Variants in TPRG1 observed in about 807,000 individuals in gnomAD.
The protein encoded by TPRG1 is tumor protein p63 regulated 1.
Under a neutral mutation model 29.3 loss-of-function variants are expected in TPRG1, and 29 were observed. The observed-to-expected ratio is 0.99, with a 90% CI of 0.74 to 1.35. The LOEUF (loss-of-function observed/expected upper bound fraction) is 1.35. TPRG1 is among the 40% of genes most tolerant of loss of function. The probability of loss-of-function intolerance (pLI) is 0.00; values close to 1 mark genes in which losing one functional copy is unlikely to be tolerated. For missense variants in TPRG1, 327 were observed against 335.0 expected (o/e 0.98, Z 0.19); for synonymous variants, 130 against 116.8 (o/e 1.11, Z -0.73).
intron 3 of TPRG1, among the ~76,000 whole-genome samples, chr3:189,216,382 A>G (rs1045854271): frequency 6.6e-6 from 1 of 152,156 alleles, no homozygotes; most frequent in African/African-American, 2.4e-5. Context: ...CAGCAGAACA[A>G]ATTTTTCAAT....
intron 4 of TPRG1, among the ~76,000 whole-genome samples, chr3:189,072,906 A>G (rs1017114249): frequency 6.6e-6 from 1 of 152,178 alleles, no homozygotes; most frequent in African/African-American, 2.4e-5. Flanking sequence ...CGTCCCAGAT[A>G]TCAAAGTGGG....
intron 4 of TPRG1, among the ~76,000 whole-genome samples, chr3:189,306,352 A>G (rs888094902): frequency 2.0e-5 from 3 of 152,210 alleles, no homozygotes; most frequent in African/African-American, 4.8e-5. Context: ...TTTAGATTCA[A>G]GTAGAAATCT....
At chr3:189,285,409 G>A (rs867546503) in intron 4 of TPRG1, among the ~76,000 whole-genome samples, 12 of 152,054 alleles carry the variant, frequency 7.9e-5, no homozygotes, top group African/African-American at 2.9e-4. Context: ...GAGATGGAAG[G>A]GCCCTTTGAG....
chr3:189,146,069 C>T (rs762020322), intron 3 of TPRG1, among the ~76,000 whole-genome samples: 1 of 152,186 alleles, frequency 6.6e-6, no homozygotes, highest in African/African-American at 2.4e-5. Context: ...AATATTAAAA[C>T]CTTTTTCTGT....
rs547912117 is a variant in TPRG1 at position 189,115,038 on chromosome 3, CCT to C, written c.-743-12018_-743-12017del. Reference sequence around the variant, plus strand: ...CACTTATCCTTGTTTTATTTCACCCCCTGTTGAAGAGACTTGATCCCAGGACA... The same window carrying C: ...CACTTATCCTTGTTTTATTTCACCCCGTTGAAGAGACTTGATCCCAGGACA... On this transcript the variant is annotated intron_variant, in intron 1 of 6. Coordinates refer to the TPRG1 transcript ENST00000412373. Among the ~76,000 whole-genome samples the C allele has an allele frequency of 2.6e-5, 4 of 152,246 alleles. No individual in the cohort carries two copies. In the East Asian group the frequency reaches 7.7e-4, roughly 29 times the overall value.
chr3:189,164,880 T>C (rs1163947859), intron 5 of TPRG1, among the ~76,000 whole-genome samples: 1 of 152,172 alleles, frequency 6.6e-6, no homozygotes, highest in Admixed American at 6.5e-5. Context: ...AAGAAAACTC[T>C]GAGGAGCTGG....
intron 4 of TPRG1, among the ~76,000 whole-genome samples, chr3:189,026,181 A>T (rs1713652033): frequency 6.6e-6 from 1 of 152,032 alleles, no homozygotes. Flanking sequence ...TTGGTTTCTG[A>T]TGGGGCCTCT....
upstream of TPRG1, among the ~76,000 whole-genome samples, chr3:189,097,610 G>A (rs1426361344): frequency 1.3e-5 from 2 of 152,138 alleles, no homozygotes; most frequent in African/African-American, 2.4e-5. Context: ...AATTTTAACT[G>A]CATCTTTAAA....
chr3:189,184,033 T>C (rs1202724796), intron 1 of TPRG1, among the ~76,000 whole-genome samples: 2 of 152,166 alleles, frequency 1.3e-5, no homozygotes, highest in Non-Finnish European at 2.9e-5. Context: ...ATTATAAAAG[T>C]ATTAATTTGG....
At chr3:189,084,276 A>G (rs928555224) in intron 4 of TPRG1, among the ~76,000 whole-genome samples, 1 of 152,262 alleles carries the variant, frequency 6.6e-6, no homozygotes, top group African/African-American at 2.4e-5. Flanking sequence ...TAACCTATAC[A>G]TAAAAATGTG....
chr3:189,098,041 T>A (rs1022336190), upstream of TPRG1, among the ~76,000 whole-genome samples: 16 of 152,222 alleles, frequency 1.1e-4, no homozygotes, highest in African/African-American at 3.6e-4. Context: ...GCAATCTCAT[T>A]CTGCCTTTGG....
At chr3:189,039,764 GA>G (rs965224401) in intron 4 of TPRG1, among the ~76,000 whole-genome samples, 1 of 151,912 alleles carries the variant, frequency 6.6e-6, no homozygotes, top group African/African-American at 2.4e-5. Context: ...CTGAAAGCCA[GA>G]AAAATAGGTG....
chr3:189,298,922 T>A (rs1194639482), intron 4 of TPRG1, among the ~76,000 whole-genome samples: 1 of 152,134 alleles, frequency 6.6e-6, no homozygotes, highest in Non-Finnish European at 1.5e-5. Flanking sequence ...GGCAGACCCA[T>A]GGTTTCCTCA....
intron 5 of TPRG1, among the ~76,000 whole-genome samples, 154 bp downstream of exon 5, chr3:189,310,693 G>A (rs1304583080): frequency 6.6e-6 from 1 of 151,454 alleles, no homozygotes; most frequent in Admixed American, 6.6e-5. Context: ...AGACAAAAAC[G>A]GTAATAGGTT....
At chr3:189,311,404 C>G (rs1167318579) in intron 5 of TPRG1, among the ~76,000 whole-genome samples, 2 of 152,106 alleles carry the variant, frequency 1.3e-5, no homozygotes, top group African/African-American at 4.8e-5. Flanking sequence ...TATGTAAAGA[C>G]TTTCTGTGGT....
intron 1 of TPRG1, among the ~76,000 whole-genome samples, chr3:189,175,908 C>T (rs183058464): frequency 3.3e-5 from 5 of 152,214 alleles, no homozygotes; most frequent in South Asian, 2.1e-4. Context: ...TTTTTTATTA[C>T]GTAACCTTTG....
chr3:189,194,631 G>A (rs933460825), intron 1 of TPRG1, among the ~76,000 whole-genome samples: 1 of 152,170 alleles, frequency 6.6e-6, no homozygotes, highest in Non-Finnish European at 1.5e-5. Context: ...CACATCTGTG[G>A]GGAAAAGGGA....
At chr3:189,262,843 C>G (rs561294239) in intron 4 of TPRG1, among the ~76,000 whole-genome samples, 1 of 152,208 alleles carries the variant, frequency 6.6e-6, no homozygotes, top group Non-Finnish European at 1.5e-5. Context: ...TTCAAACTCA[C>G]GCACACAGCT....
intron 4 of TPRG1, among the ~76,000 whole-genome samples, chr3:189,244,554 T>C (rs1295925041): frequency 6.6e-6 from 1 of 152,076 alleles, no homozygotes; most frequent in African/African-American, 2.4e-5. Flanking sequence ...TCTCACATGG[T>C]AGGAGCAGGA....
Sources: gnomAD v4.1 joint callset for allele counts (sites outside exome capture counted in the v4.1 genomes callset) on GRCh38, gnomAD v4.1.1 for gene constraint, MANE v1.5 for transcripts, NCBI Gene and HGNC (gene_info 2026-07-23, HGNC 2026-07-21) for gene names.